Variants in PCTP observed in about 807,000 individuals in gnomAD.
The protein encoded by PCTP is phosphatidylcholine transfer protein.
In PCTP, 27 loss-of-function variants were observed where a neutral mutation model predicts 31.0. The ratio of observed to expected loss-of-function variants is 0.87; its 90% confidence interval spans 0.64 to 1.20. The LOEUF (loss-of-function observed/expected upper bound fraction) is 1.20, where lower values mean the gene tolerates loss of function less well. Ranked by LOEUF, PCTP falls within the 50% of genes most tolerant of loss-of-function variation. The pLI is 0.00. For missense variants in PCTP, 287 were observed against 268.2 expected (o/e 1.07, Z -0.49); for synonymous variants, 108 against 101.2 (o/e 1.07, Z -0.40).
intron 5 of PCTP, among the ~76,000 whole-genome samples, chr17:55,828,794 C>G: frequency 6.6e-6 from 1 of 152,084 alleles, no homozygotes; most frequent in Non-Finnish European, 1.5e-5. Context: ...GCAGCAGTGG[C>G]GGGCCTACTG....
At chr17:55,783,859 TGCC>T (rs1432167867) in intron 2 of PCTP, among the ~76,000 whole-genome samples, 1 of 152,206 alleles carries the variant, frequency 6.6e-6, no homozygotes, top group Non-Finnish European at 1.5e-5. Context: ...TCAGCGACGG[TGCC>T]GAGTCCCTGG....
chr17:55,841,651 C>T (rs1027361392), intron 5 of PCTP, among the ~76,000 whole-genome samples: 3 of 151,996 alleles, frequency 2.0e-5, no homozygotes, highest in Admixed American at 1.3e-4. Flanking sequence ...GAGGAGGGGG[C>T]GGTCATACCT....
chr17:55,839,314 A>G (rs1451158323), intron 5 of PCTP, among the ~76,000 whole-genome samples: 8 of 152,206 alleles, frequency 5.3e-5, no homozygotes, highest in African/African-American at 1.4e-4. Context: ...TTATTGGGCC[A>G]GGATTCCAAC....
chr17:55,808,978 G>C (rs1241714427), intron 3 of PCTP, among the ~76,000 whole-genome samples: 1 of 152,020 alleles, frequency 6.6e-6, no homozygotes, highest in Non-Finnish European at 1.5e-5. Flanking sequence ...AGGCAATGGT[G>C]TTCAAGAAAC....
chr17:55,819,010 CAAAAAAAAAAA>C (rs56823756), intron 3 of PCTP, among the ~76,000 whole-genome samples: 1 of 51,110 alleles, frequency 2.0e-5, no homozygotes, highest in Non-Finnish European at 3.7e-5. Context: ...GGAAAGAAAT[CAAAAAAAAAAA>C]AAAAAAAAAA....
intron 5 of PCTP, among the ~76,000 whole-genome samples, chr17:55,838,071 A>T (rs1264198497): frequency 6.6e-6 from 1 of 152,148 alleles, no homozygotes; most frequent in Non-Finnish European, 1.5e-5. Flanking sequence ...AGCCCAGGAG[A>T]TTGAGGCTGC....
chr17:55,837,794 T>A (rs945496433), intron 5 of PCTP, among the ~76,000 whole-genome samples: 14 of 152,108 alleles, frequency 9.2e-5, no homozygotes, highest in African/African-American at 3.4e-4. Flanking sequence ...TTCATTGTCC[T>A]CACTCTGCCG....
chr17:55,850,357 C>T, the PCTP span, among the ~76,000 whole-genome samples: 1 of 152,136 alleles, frequency 6.6e-6, no homozygotes, highest in African/African-American at 2.4e-5. Context: ...GCTTATTAAA[C>T]TGCTTTTTGT....
downstream of PCTP, among the ~76,000 whole-genome samples, chr17:55,843,702 T>G (rs1182911427): frequency 6.6e-6 from 1 of 152,170 alleles, no homozygotes; most frequent in Non-Finnish European, 1.5e-5. Context: ...TAACAGTTGC[T>G]CTTTTTGTTT....
chr17:55,847,419 A>G (rs535265139), downstream of PCTP, among the ~76,000 whole-genome samples: 37 of 152,080 alleles, frequency 2.4e-4, no homozygotes, highest in Non-Finnish European at 3.7e-4. Flanking sequence ...CGTTTCCCCT[A>G]TATGTTGTTC....
downstream of PCTP, chr17:55,842,985 T>C (rs1327720610): frequency 6.6e-6 from 1 of 152,180 alleles, no homozygotes; most frequent in Admixed American, 6.5e-5. Flanking sequence ...TTACTCTTTG[T>C]AAGAGAGTGT....
chr17:55,786,483 A>C (rs1911751980), intron 2 of PCTP, among the ~76,000 whole-genome samples: 3 of 152,226 alleles, frequency 2.0e-5, no homozygotes, highest in Non-Finnish European at 4.4e-5. Context: ...CATGTACCCT[A>C]GAACTTAAAG....
At chr17:55,843,934 A>G (rs1906065124), downstream of PCTP, among the ~76,000 whole-genome samples, 1 of 152,182 alleles carries the variant, frequency 6.6e-6, no homozygotes, top group Non-Finnish European at 1.5e-5. Flanking sequence ...AGTGACAGAG[A>G]TGGAGCTCAG....
intron 3 of PCTP, among the ~76,000 whole-genome samples, chr17:55,804,123 C>A (rs1262365303): frequency 2.6e-5 from 4 of 152,190 alleles, no homozygotes; most frequent in Non-Finnish European, 5.9e-5. Context: ...ATCATCATCA[C>A]TGGTCATTAG....
chr17:55,841,893 A>G (rs886147167), intron 5 of PCTP, among the ~76,000 whole-genome samples: 4 of 152,114 alleles, frequency 2.6e-5, no homozygotes, highest in African/African-American at 4.8e-5. Context: ...ACACAAAACC[A>G]TCTCTGTCTA....
downstream of PCTP, among the ~76,000 whole-genome samples, chr17:55,826,797 C>T (rs953471432): frequency 6.6e-6 from 1 of 152,118 alleles, no homozygotes; most frequent in Non-Finnish European, 1.5e-5. Flanking sequence ...TTCTTCTTTC[C>T]CCTGAGGGCT....
In PCTP at chr17:55,776,634, G is replaced by C; in HGVS notation, c.*534G>C. 10 of 1,230,138 alleles carry C rather than the reference G, an allele frequency of 8.1e-6. No individual in the cohort carries two copies. The highest frequency in any genetic ancestry group is 1.0e-5 in the Non-Finnish European group (10 of 987,548). 76.2% of individuals were successfully genotyped at this position (1,230,138 alleles called of 1,614,324 possible). A position where few individuals can be genotyped will look rare whatever the true frequency, so the allele number is the denominator to read the frequency against. The stretch of plus-strand genomic sequence containing the variant: ...CTGGATGACGTGCCAATGTCCATTT[G>C]CCTTATGCTTTGTGGAGCTGATTAG... On this transcript the variant is annotated 3_prime_UTR_variant, in exon 6 of 6. Transcript: ENST00000268896.
intron 5 of PCTP, among the ~76,000 whole-genome samples, chr17:55,837,089 G>A (rs1905801890): frequency 6.6e-6 from 1 of 152,136 alleles, no homozygotes; most frequent in African/African-American, 2.4e-5. Context: ...AAGCAGTTTG[G>A]CATATCTGAG....
chr17:55,833,218 A>G (rs1905664140), intron 5 of PCTP, among the ~76,000 whole-genome samples: 1 of 152,136 alleles, frequency 6.6e-6, no homozygotes, highest in Admixed American at 6.6e-5. Context: ...ATTTTATTTG[A>G]GAGATAAGAA....
Sources: gnomAD v4.1 joint callset for allele counts (sites outside exome capture counted in the v4.1 genomes callset) on GRCh38, gnomAD v4.1.1 for gene constraint, MANE v1.5 for transcripts, NCBI Gene and HGNC (gene_info 2026-07-23, HGNC 2026-07-21) for gene names.